Variants in RPP30 observed in about 807,000 individuals in gnomAD.
RPP30 encodes ribonuclease P protein subunit p30.
In RPP30, 36 loss-of-function variants were observed where a neutral mutation model predicts 38.6. That is an observed-to-expected ratio of 0.93 (90% CI 0.71 to 1.23). RPP30 has a LOEUF of 1.23. RPP30 is among the 50% of genes most tolerant of loss of function. RPP30 has a pLI of 0.00. For missense variants in RPP30, 321 were observed against 321.7 expected (o/e 1.00, Z 0.02); for synonymous variants, 126 against 112.7 (o/e 1.12, Z -0.75).
intron 4 of RPP30, among the ~76,000 whole-genome samples, chr10:90,878,818 C>T (rs1467515888): frequency 1.3e-5 from 2 of 152,124 alleles, no homozygotes; most frequent in Non-Finnish European, 2.9e-5. Flanking sequence ...ATCTCAGACA[C>T]AATGTTTGGT....
intron 6 of RPP30, among the ~76,000 whole-genome samples, chr10:90,888,511 C>T (rs184704845): frequency 6.1e-4 from 93 of 152,268 alleles, no homozygotes; most frequent in African/African-American, 2.2e-3. Context: ...ATGAGTCCTC[C>T]TTACAGTTTG....
In RPP30 at chr10:90,887,386, AT is replaced by A. The variant is rs1267063795; in HGVS notation, c.432+1501del. ...AAACATAAAAGCTCTTGTTGGGTAA[AT>A]TTTTTTTTTTTTTTTGAGACGGAGT... On this transcript the variant is annotated intron_variant, in intron 6 of 10. Coordinates refer to ENST00000371703, the MANE Select transcript of RPP30 (RefSeq NM_006413.5). Among the ~76,000 whole-genome samples, 685 of 143,230 alleles carry A rather than the reference AT, an allele frequency of 4.8e-3. 2 individuals are homozygous for A. The highest frequency in any genetic ancestry group is 0.01 in the African/African-American group (392 of 39,168). 94.0% of individuals were successfully genotyped at this position (143,230 alleles called of 152,430 possible).
At chr10:90,872,159 G>A in intron 1 of RPP30, 91 bp downstream of exon 1, 2 of 1,094,558 alleles carry the variant, frequency 1.8e-6, no homozygotes, top group Non-Finnish European at 1.4e-6. Flanking sequence ...ATGGGTCTCG[G>A]TCAGGTCTCC....
intron 1 of RPP30, among the ~76,000 whole-genome samples, chr10:90,872,701 G>A (rs1476242311): frequency 6.6e-6 from 1 of 152,154 alleles, no homozygotes; most frequent in Non-Finnish European, 1.5e-5. Flanking sequence ...TTGGAATAGA[G>A]AGATTAAAAA....
At chr10:90,873,607 GT>G (rs1489289584) in intron 1 of RPP30, among the ~76,000 whole-genome samples, 1 of 152,196 alleles carries the variant, frequency 6.6e-6, no homozygotes, top group Non-Finnish European at 1.5e-5. Context: ...CTAGGAAAAA[GT>G]TTTGTGGAGA....
intron 1 of RPP30, among the ~76,000 whole-genome samples, chr10:90,873,478 A>C (rs1377755782): frequency 6.6e-6 from 1 of 152,244 alleles, no homozygotes; most frequent in East Asian, 1.9e-4. Context: ...CCTGGTTCTC[A>C]GTTTCTGATG....
intron 5 of RPP30, 21 bp from the exon 6 acceptor site, chr10:90,885,791 C>G (rs1302395831): frequency 1.9e-6 from 3 of 1,560,678 alleles, no homozygotes; most frequent in African/African-American, 2.7e-5. Flanking sequence ...TTGGCCTTAC[C>G]TATTTTTTTC....
intron 10 of RPP30, 86 bp downstream of exon 10, chr10:90,896,478 C>A: frequency 1.0e-6 from 1 of 999,918 alleles, no homozygotes; most frequent in South Asian, 1.4e-5. Flanking sequence ...TTGCCCTACC[C>A]TACAGAGTTC....
Position 90,895,980 on chromosome 10 carries a change from G to A in RPP30, c.617+63G>A, listed in dbSNP as rs566386266. 1.0e-4 allele frequency: 130 copies of A among 1,253,904 alleles called. 1 individual carries two copies. The highest frequency in any genetic ancestry group is 1.9e-4 in the Middle Eastern group (1 of 5,288). 77.7% of individuals were successfully genotyped at this position (1,253,904 alleles called of 1,614,324 possible). A position where few individuals can be genotyped will look rare whatever the true frequency, so the allele number is the denominator to read the frequency against. ...TTCAGGAAATTTTGAATTTGAAGTC[G>A]TATTATAGTTGAACATGTATTTTTC... On this transcript the variant is annotated intron_variant, in intron 9 of 10. Coordinates refer to ENST00000371703, the MANE Select transcript of RPP30 (RefSeq NM_006413.5).
chr10:90,898,869 T>A (rs1418061843), intron 10 of RPP30, among the ~76,000 whole-genome samples: 1 of 152,212 alleles, frequency 6.6e-6, no homozygotes, highest in Non-Finnish European at 1.5e-5. Context: ...ATAAAGTTCA[T>A]GCCCTCAATC....
downstream of RPP30, chr10:90,906,167 G>A (rs1589505157): frequency 6.6e-6 from 1 of 152,162 alleles, no homozygotes; most frequent in East Asian, 1.9e-4. Flanking sequence ...AGATGTTATG[G>A]GGAAAAAGCA....
At chr10:90,904,457 CA>C (rs1316736985), downstream of RPP30, among the ~76,000 whole-genome samples, 1 of 152,130 alleles carries the variant, frequency 6.6e-6, no homozygotes, top group Non-Finnish European at 1.5e-5. Context: ...CACATTATTG[CA>C]AGGATTAAGT....
In RPP30 at chr10:90,876,091, A is replaced by G. The variant is rs775920689; in HGVS notation, c.263A>G (p.Asn88Ser). ...ATTGTCTCGGATCCATCTCACTGCAATGTTTTGGTAAGTTAATTATTTTTC... is the reference window on the plus strand; with the variant it reads ...ATTGTCTCGGATCCATCTCACTGCAGTGTTTTGGTAAGTTAATTATTTTTC... ...TIIVSDPSHC[N>S]VLRATSSRAR... The change falls in exon 4 of 11, where the codon AAT becomes AGT. Residue 88 changes from asparagine (N) to serine (S), a missense_variant. Physicochemically the swap from Asn to Ser is conservative, Grantham distance 46. Coordinates refer to ENST00000371703, the MANE Select transcript of RPP30 (RefSeq NM_006413.5). 5.8e-6 allele frequency: 9 copies of G among 1,558,284 alleles called. No homozygotes were observed. The highest frequency in any genetic ancestry group is 2.2e-5 in the South Asian group (2 of 89,592).
At position 90,872,057 on chromosome 10, in the gene RPP30, C is replaced by T. The variant is rs1338110814; in HGVS notation, c.71C>T (p.Thr24Ile). The T allele has an allele frequency of 3.7e-6, 6 of 1,614,126 alleles. No individual in the cohort carries two copies. The South Asian group carries it at 4.4e-5, about 12-fold the overall frequency. ...DLKALRGLVETAAHLGYSVVA... is the reference protein window; with the variant it reads ...DLKALRGLVEIAAHLGYSVVA... ...AAGGCTCTGCGCGGACTTGTGGAGA[C>T]AGCCGCTCACCGTGAGTTGCCCCGG... The change falls in exon 1 of 11, where the codon ACA becomes ATA. Residue 24 changes from threonine to isoleucine, a missense_variant. Coordinates refer to ENST00000371703, the MANE Select transcript of RPP30 (RefSeq NM_006413.5).
intron 3 of RPP30, 138 bp downstream of exon 3, chr10:90,875,752 C>G (rs1846843641): frequency 2.7e-6 from 2 of 737,266 alleles, no homozygotes; most frequent in Admixed American, 2.4e-5. Context: ...CTCAGCTCTT[C>G]AGGAAACATT....
At chr10:90,893,768 A>T (rs1847108331) in intron 6 of RPP30, among the ~76,000 whole-genome samples, 1 of 152,186 alleles carries the variant, frequency 6.6e-6, no homozygotes, top group Admixed American at 6.5e-5. Flanking sequence ...CACTTAACAC[A>T]GTTGAAGTTT....
chr10:90,875,990 T>A (rs1564710152), intron 3 of RPP30, 34 bp from the exon 4 acceptor site: 1 of 1,178,506 alleles, frequency 8.5e-7, no homozygotes, highest in Middle Eastern at 1.9e-4. Context: ...TATTGTCTTT[T>A]GTGCTTTTTT....
At chr10:90,877,091 C>G (rs1298055832) in intron 4 of RPP30, among the ~76,000 whole-genome samples, 1 of 152,136 alleles carries the variant, frequency 6.6e-6, no homozygotes, top group Non-Finnish European at 1.5e-5. Flanking sequence ...GCAGGCAGAT[C>G]ACTTGAGGTC....
intron 8 of RPP30, 158 bp from the exon 9 acceptor site, chr10:90,895,722 A>T: frequency 1.8e-6 from 1 of 567,090 alleles, no homozygotes; most frequent in Non-Finnish European, 2.9e-6. Context: ...AGCTTCTCTT[A>T]TATTTTCAAA....
Sources: gnomAD v4.1 joint callset for allele counts (sites outside exome capture counted in the v4.1 genomes callset) on GRCh38, gnomAD v4.1.1 for gene constraint, MANE v1.5 for transcripts, NCBI Gene and HGNC (gene_info 2026-07-23, HGNC 2026-07-21) for gene names.